SNCB: variants seen among roughly 807,000 people sequenced by gnomAD.
SNCB encodes synuclein beta, also known as beta-synuclein.
Under a neutral mutation model 20.0 loss-of-function variants are expected in SNCB, and 8 were observed. The ratio of observed to expected loss-of-function variants is 0.40; its 90% CI spans 0.24 to 0.72. The LOEUF is 0.72. SNCB is among the 30% of genes least tolerant of loss of function. The probability of loss-of-function intolerance (pLI) is 0.37; values close to 1 mark genes in which losing one functional copy is unlikely to be tolerated. For missense variants in SNCB, 125 were observed against 168.0 expected (o/e 0.74, Z 1.41); for synonymous variants, 56 against 65.4 (o/e 0.86, Z 0.69).
intron 4 of SNCB, among the ~76,000 whole-genome samples, chr5:176,625,473 G>A (rs1759882818): frequency 2.0e-5 from 3 of 152,256 alleles, no homozygotes; most frequent in Admixed American, 6.5e-5. Flanking sequence ...GTGTTCACTC[G>A]CATTTTACAA....
chr5:176,621,111 C>T lies in SNCB; in HGVS notation c.372+103G>A. Reference sequence around the variant, plus strand: ...GGTTCTAGAAGAGGGATGTCAAGCTCCCTGGCCCAACCATCTCATGCCAGG... The same window carrying T: ...GGTTCTAGAAGAGGGATGTCAAGCTTCCTGGCCCAACCATCTCATGCCAGG... On this transcript the variant is annotated intron_variant, in intron 5 of 5. Coordinates refer to ENST00000393693, the MANE Select transcript of SNCB (RefSeq NM_003085.5). This position sits in a 1 kb window ranked among gnomAD's most constrained non-coding sequence, Gnocchi z 4.1. 1.0e-6 allele frequency: 1 copy of T among 987,972 alleles called. No individual in the cohort carries two copies. The highest frequency in any genetic ancestry group is 1.6e-6 in the Non-Finnish European group (1 of 634,392). 61.2% of individuals were successfully genotyped at this position (987,972 alleles called of 1,614,324 possible).
Position 176,629,511 on chromosome 5 carries a change from C to T in SNCB, c.121+23G>A, listed in dbSNP as rs374218656. ...CGGGGGACCCCCAGCCCTGCAGCCC[C>T]AGAAACCCCGCCCCTTACCCACCGA... On this transcript the variant is annotated intron_variant, in intron 2 of 5. Transcript: ENST00000393693. The surrounding 1 kb of genome is among the most constrained non-coding windows in gnomAD (Gnocchi z 4.1). 4 of 1,611,354 alleles carry T rather than the reference C, an allele frequency of 2.5e-6. No individual in the cohort carries two copies. Among genetic ancestry groups the T allele is most frequent in the Non-Finnish European group, 2.5e-6 (3 of 1,178,874 alleles).
In SNCB at chr5:176,620,930, C is replaced by T. The variant is rs536670089; in HGVS notation, c.373-87G>A. On this transcript the variant is annotated intron_variant, in intron 5 of 5. Transcript: ENST00000393693. This position sits in a 1 kb window ranked among gnomAD's most constrained non-coding sequence, Gnocchi z 4.5. ...AGTGGCCAAGCCCCGGCCCAAGAACCCTCTCCCTGAAGGAGGAATAGCACA... is the reference window on the plus strand; with the variant it reads ...AGTGGCCAAGCCCCGGCCCAAGAACTCTCTCCCTGAAGGAGGAATAGCACA... 3.3e-6 allele frequency: 4 copies of T among 1,194,688 alleles called. No homozygotes were observed. Among genetic ancestry groups the T allele is most frequent in the Non-Finnish European group, 5.0e-6 (4 of 798,736 alleles). 74.0% of individuals were successfully genotyped at this position (1,194,688 alleles called of 1,614,324 possible).
In SNCB at chr5:176,628,983, G is replaced by A. The variant is rs1358402744; in HGVS notation, c.121+551C>T. Among the ~76,000 whole-genome samples the A allele has an allele frequency of 3.3e-5, 5 of 152,200 alleles. No homozygotes were observed. In the South Asian group the frequency reaches 6.2e-4, roughly 19 times the overall value. On this transcript the variant is annotated intron_variant, in intron 2 of 5. Transcript: ENST00000393693. ...GTTGTGATGCAGGTGGACCTGGAACGCAACTCAACTCGGCCTTGGAGGTGC... is the reference window on the plus strand; with the variant it reads ...GTTGTGATGCAGGTGGACCTGGAACACAACTCAACTCGGCCTTGGAGGTGC...
At chr5:176,625,424 A>G (rs1012042836) in intron 4 of SNCB, among the ~76,000 whole-genome samples, 1 of 152,154 alleles carries the variant, frequency 6.6e-6, no homozygotes, top group Non-Finnish European at 1.5e-5. Flanking sequence ...AAGCTTTGAG[A>G]ATATCTATAT....
intron 2 of SNCB, among the ~76,000 whole-genome samples, chr5:176,627,141 T>C (rs914556059): frequency 6.6e-6 from 1 of 152,212 alleles, no homozygotes; most frequent in Non-Finnish European, 1.5e-5. Flanking sequence ...CACTAGGAAG[T>C]GGCTGAACTG....
intron 2 of SNCB, among the ~76,000 whole-genome samples, chr5:176,627,346 C>G (rs149040469): frequency 1.4e-4 from 21 of 152,248 alleles, no homozygotes; most frequent in East Asian, 1.2e-3. Flanking sequence ...TCCATTTCCT[C>G]TAAAGATTCT....
Position 176,629,744 on chromosome 5 carries a change from C to T in SNCB, c.-9-81G>A, listed in dbSNP as rs945328231. ...CCCTCCCGCGGGACGCAGATGCCCC[C>T]CTACTCCCGAGACCGCGGCGCCCTT... On this transcript the variant is annotated intron_variant, in intron 1 of 5. Coordinates refer to ENST00000393693, the MANE Select transcript of SNCB (RefSeq NM_003085.5). The surrounding 1 kb of genome is among the most constrained non-coding windows in gnomAD (Gnocchi z 4.1). The T allele has an allele frequency of 4.6e-6, 7 of 1,533,556 alleles. No individual in the cohort carries two copies. In the Admixed American group the frequency reaches 5.5e-5, roughly 12 times the overall value. The allele number at this position is 1,533,556 out of a possible 1,614,324, so 95.0% of individuals were successfully genotyped here.
In SNCB at chr5:176,626,650, C is replaced by T. The variant is rs116466336; in HGVS notation, c.163+70G>A. 327 of 1,582,686 alleles carry T rather than the reference C, an allele frequency of 2.1e-4. No homozygotes were observed. The African/African-American group carries it at 3.2e-3, about 16-fold the overall frequency. On this transcript the variant is annotated intron_variant, in intron 3 of 5. Coordinates refer to ENST00000393693, the MANE Select transcript of SNCB (RefSeq NM_003085.5). The surrounding 1 kb of genome is among the most constrained non-coding windows in gnomAD (Gnocchi z 4.2). ...AAGCCTTGGGAGTCTCCCCCGCCCCCGCCCTCTGGTTCCCGGCCAGATCAT... is the reference window on the plus strand; with the variant it reads ...AAGCCTTGGGAGTCTCCCCCGCCCCTGCCCTCTGGTTCCCGGCCAGATCAT...
In SNCB at chr5:176,629,692, G is replaced by C. The variant is rs760568166; in HGVS notation, c.-9-29C>G. ...GGGAGGGCGATACACGGGCACCGGT[G>C]CACTGGCCCCGCACTCTCACCCCAG... is the stretch of plus-strand genomic sequence containing the variant. On this transcript the variant is annotated intron_variant, in intron 1 of 5. Transcript: ENST00000393693. This position sits in a 1 kb window ranked among gnomAD's most constrained non-coding sequence, Gnocchi z 4.1. 3 of 1,607,726 alleles carry C rather than the reference G, an allele frequency of 1.9e-6. No homozygotes were observed. Among genetic ancestry groups the C allele is most frequent in the Non-Finnish European group, 2.6e-6 (3 of 1,176,364 alleles).
chr5:176,626,173 G>C lies in SNCB; in HGVS notation c.282+225C>G, dbSNP rs1292399781. 2.0e-5 allele frequency among the ~76,000 whole-genome samples: 3 copies of C among 152,126 alleles called. No individual in the cohort carries two copies. The highest frequency in any genetic ancestry group is 7.2e-5 in the African/African-American group (3 of 41,416). On this transcript the variant is annotated intron_variant, in intron 4 of 5. Transcript: ENST00000393693. This position sits in a 1 kb window ranked among gnomAD's most constrained non-coding sequence, Gnocchi z 4.2. ...GATACACGCAGACAGCCAGGTCTGGGTCCCCATCACCGGGAGCGTCACACC... is the reference window on the plus strand; with the variant it reads ...GATACACGCAGACAGCCAGGTCTGGCTCCCCATCACCGGGAGCGTCACACC...
At chr5:176,627,655 C>G (rs13161401) in intron 2 of SNCB, among the ~76,000 whole-genome samples, 9 of 138,070 alleles carry the variant, frequency 6.5e-5, no homozygotes, top group South Asian at 2.8e-4. Flanking sequence ...AGACTGAGCC[C>G]GGCGGGGGGG....
intron 2 of SNCB, among the ~76,000 whole-genome samples, chr5:176,627,190 C>G (rs1321109183): frequency 1.3e-5 from 2 of 152,218 alleles, no homozygotes; most frequent in Admixed American, 6.5e-5. Flanking sequence ...AAAACTTTAG[C>G]TACCAACCAC....
chr5:176,621,700 A>G lies in SNCB; in HGVS notation c.283-397T>C, dbSNP rs1229278393. Among the ~76,000 whole-genome samples, 2 of 152,184 alleles carry G rather than the reference A, an allele frequency of 1.3e-5. No individual in the cohort carries two copies. Among genetic ancestry groups the G allele is most frequent in the Non-Finnish European group, 2.9e-5 (2 of 68,008 alleles). On this transcript the variant is annotated intron_variant, in intron 4 of 5. Transcript: ENST00000393693. The surrounding 1 kb of genome is among the most constrained non-coding windows in gnomAD (Gnocchi z 4.1). ...TGAAGGGAGCTGGAGGCTCAGGGAC[A>G]GGGCTGGGCAGGGGCTCTGAGCCAT...
rs755588151 is a variant in SNCB at position 176,629,702 on chromosome 5, C to T, written c.-9-39G>A. ...TACACGGGCACCGGTGCACTGGCCC[C>T]GCACTCTCACCCCAGCCCCTCCCGC... is the stretch of plus-strand genomic sequence containing the variant. On this transcript the variant is annotated intron_variant, in intron 1 of 5. Coordinates refer to ENST00000393693, the MANE Select transcript of SNCB (RefSeq NM_003085.5). The surrounding 1 kb of genome is among the most constrained non-coding windows in gnomAD (Gnocchi z 4.1). The T allele has an allele frequency of 1.2e-6, 2 of 1,600,068 alleles. No homozygotes were observed. The highest frequency in any genetic ancestry group is 1.7e-6 in the Non-Finnish European group (2 of 1,171,330).
rs560218795 is a variant in SNCB, at chr5:176,626,953, G to C, written c.122-192C>G. On this transcript the variant is annotated intron_variant, in intron 2 of 5. Coordinates refer to ENST00000393693, the MANE Select transcript of SNCB (RefSeq NM_003085.5). The surrounding 1 kb of genome is among the most constrained non-coding windows in gnomAD (Gnocchi z 4.2). The stretch of plus-strand genomic sequence containing the variant: ...CTGGGCCCCACACCTCTGTCTGCAA[G>C]GGTTGCAGTTCTCTCCCACCTGATG... Among the ~76,000 whole-genome samples, 10 of 152,232 alleles carry C rather than the reference G, an allele frequency of 6.6e-5. No homozygotes were observed. The highest frequency in any genetic ancestry group is 4.1e-4 in the South Asian group (2 of 4,820).
chr5:176,623,822 T>C (rs1759762481), intron 4 of SNCB, among the ~76,000 whole-genome samples: 1 of 152,042 alleles, frequency 6.6e-6, no homozygotes, highest in African/African-American at 2.4e-5. Flanking sequence ...CTGGGCAACA[T>C]AGCAGGACCC....
intron 4 of SNCB, among the ~76,000 whole-genome samples, chr5:176,625,505 C>T (rs756100017): frequency 1.3e-5 from 2 of 152,196 alleles, no homozygotes; most frequent in African/African-American, 4.8e-5. Context: ...AGTTCAGAGA[C>T]ATGGTGGGAA....
At chr5:176,622,501 A>G (rs544890891) in intron 4 of SNCB, among the ~76,000 whole-genome samples, 86 of 151,946 alleles carry the variant, frequency 5.7e-4, no homozygotes, top group African/African-American at 2.0e-3. Context: ...ACAAAACAAA[A>G]CAAAACAAAA....
Sources: allele counts gnomAD v4.1 joint callset (sites outside exome capture counted in the v4.1 genomes callset), GRCh38; gene constraint gnomAD v4.1.1; non-coding constraint Gnocchi (gnomAD v3.1); transcripts MANE v1.5; gene names NCBI Gene and HGNC (gene_info 2026-07-23, HGNC 2026-07-21).